THRA: variants seen among roughly 807,000 people sequenced by gnomAD.
THRA encodes the protein EAR-7.
In THRA, 13 loss-of-function variants were observed where a neutral mutation model predicts 45.0. The ratio of observed to expected loss-of-function variants is 0.29; its 90% CI spans 0.19 to 0.46. THRA has a LOEUF of 0.46. Among genes scored for constraint, THRA ranks in the 20% least tolerant of loss-of-function variants. The probability of loss-of-function intolerance (pLI) is 1.00; values close to 1 mark genes in which losing one functional copy is unlikely to be tolerated. For synonymous variants in THRA, 195 were observed against 214.0 expected (o/e 0.91, Z 0.78); for missense variants, 278 against 556.1 (o/e 0.50, Z 5.03).
chr17:40,076,102 G>A, intron 2 of THRA, among the ~76,000 whole-genome samples: 1 of 152,246 alleles, frequency 6.6e-6, no homozygotes, highest in Admixed American at 6.5e-5. Context: ...ATGTGCAGTG[G>A]CTGAGGGTTG....
At chr17:40,069,833 C>T (rs761553642) in intron 1 of THRA, among the ~76,000 whole-genome samples, 2 of 152,040 alleles carry the variant, frequency 1.3e-5, no homozygotes, top group Non-Finnish European at 2.9e-5. Flanking sequence ...GGGCACCCAC[C>T]TTGATGCCTG....
At chr17:40,093,075 C>T (rs201283167), downstream of THRA, 10 of 1,613,942 alleles carry the variant, frequency 6.2e-6, no homozygotes, top group South Asian at 2.2e-5. The surrounding 1 kb of genome is among the most constrained non-coding windows in gnomAD (Gnocchi z 5.9). Context: ...GAAGGCCGGC[C>T]GGGCGGGTCA....
intron 4 of THRA, among the ~76,000 whole-genome samples, chr17:40,080,438 A>G (rs1334696285): frequency 3.3e-5 from 5 of 152,090 alleles, no homozygotes; most frequent in African/African-American, 1.2e-4. Context: ...AAAAAACGGA[A>G]AAAAAGTTTA....
At chr17:40,084,537 G>A in intron 5 of THRA, 73 bp from the exon 6 acceptor site, 5 of 1,541,774 alleles carry the variant, frequency 3.2e-6, no homozygotes, top group Non-Finnish European at 4.4e-6. Flanking sequence ...TCTAGGAAGA[G>A]TAGTTTCCGG....
chr17:40,069,418 A>T (rs1170445264), intron 1 of THRA, among the ~76,000 whole-genome samples: 1 of 151,168 alleles, frequency 6.6e-6, no homozygotes, highest in African/African-American at 2.4e-5. Flanking sequence ...CTCCTAGGCC[A>T]TGCTCTTCAG....
chr17:40,075,724 G>A (rs1986931437), intron 2 of THRA, among the ~76,000 whole-genome samples: 1 of 152,170 alleles, frequency 6.6e-6, no homozygotes, highest in South Asian at 2.1e-4. Flanking sequence ...ACTACACTCA[G>A]AGGCTGTGAG....
At chr17:40,071,337 C>T (rs867606370) in intron 1 of THRA, among the ~76,000 whole-genome samples, 3 of 152,204 alleles carry the variant, frequency 2.0e-5, no homozygotes, top group Non-Finnish European at 4.4e-5. Flanking sequence ...TGGGGGTGTC[C>T]TCAGATATAC....
chr17:40,063,035 C>T lies in THRA; in HGVS notation c.-355C>T, dbSNP rs1986413333. ...ACCGGCCCCCCATGGACGCCCCCAG[C>T]ACGGGGCGCTGAGACCCCCGCGTCG... On this transcript the variant is annotated 5_prime_UTR_variant, in exon 1 of 9. Coordinates refer to ENST00000450525, the MANE Select transcript of THRA (RefSeq NM_199334.5). 1 of 151,746 alleles carries T rather than the reference C, an allele frequency of 6.6e-6. No homozygotes were observed. Among genetic ancestry groups the T allele is most frequent in the Non-Finnish European group, 1.5e-5 (1 of 67,914 alleles). 9.4% of individuals were successfully genotyped at this position (151,746 alleles called of 1,614,324 possible). A position where few individuals can be genotyped will look rare whatever the true frequency, so the allele number is the denominator to read the frequency against.
At chr17:40,085,793 G>A (rs902343418) in intron 6 of THRA, among the ~76,000 whole-genome samples, 13 of 152,036 alleles carry the variant, frequency 8.6e-5, no homozygotes, top group African/African-American at 2.4e-4. Flanking sequence ...ACAGGCGTGC[G>A]CCACCACGCC....
intron 4 of THRA, among the ~76,000 whole-genome samples, chr17:40,080,851 T>C (rs1404654627): frequency 6.6e-6 from 1 of 151,566 alleles, no homozygotes; most frequent in Admixed American, 6.6e-5. Flanking sequence ...GCCTCCTGAG[T>C]AGCTGGGATT....
At position 40,086,731 on chromosome 17, in the gene THRA, A is replaced by G. The variant is rs1456034663; in HGVS notation, c.601A>G (p.Ile201Val). 6.2e-7 allele frequency: 1 copy of G among 1,614,004 alleles called. No individual in the cohort carries two copies. The highest frequency in any genetic ancestry group is 8.5e-7 in the Non-Finnish European group (1 of 1,179,984). The change falls in exon 7 of 9, where the codon ATT becomes GTT. Residue 201 changes from isoleucine to valine, a missense_variant. Physicochemically the swap from Ile to Val is conservative, Grantham distance 29. Transcript: ENST00000450525. The part of the protein sequence containing the change: ...FLPDDIGQSP[I>V]VSMPDGDKVD... The stretch of plus-strand genomic sequence containing the variant: ...GCCCGATGACATTGGCCAGTCACCC[A>G]TTGTCTCCATGCCGGACGGAGACAA...
At chr17:40,065,916 C>T (rs533048496) in intron 1 of THRA, among the ~76,000 whole-genome samples, 1 of 152,348 alleles carries the variant, frequency 6.6e-6, no homozygotes, top group South Asian at 2.1e-4. Context: ...CCCACACTGG[C>T]CCAAGCTGGA....
intron 4 of THRA, among the ~76,000 whole-genome samples, chr17:40,080,167 A>C (rs1472945017): frequency 6.6e-6 from 1 of 152,138 alleles, no homozygotes; most frequent in African/African-American, 2.4e-5. Flanking sequence ...TAGGAGGCCA[A>C]GGTGGGAGGA....
At chr17:40,072,486 G>A (rs1986810618) in intron 1 of THRA, among the ~76,000 whole-genome samples, 1 of 152,152 alleles carries the variant, frequency 6.6e-6, no homozygotes, top group South Asian at 2.1e-4. Flanking sequence ...TGCCAGGCGG[G>A]CAGGAGACAG....
At chr17:40,077,038 C>A in intron 3 of THRA, 100 bp downstream of exon 3, 2 of 1,264,488 alleles carry the variant, frequency 1.6e-6, no homozygotes, top group South Asian at 1.3e-5. Context: ...TTCATGTGTT[C>A]CCTGGGGGGA....
At chr17:40,063,353 C>G (rs1986429053) in intron 1 of THRA, among the ~76,000 whole-genome samples, 1 of 152,146 alleles carries the variant, frequency 6.6e-6, no homozygotes, top group Non-Finnish European at 1.5e-5. Flanking sequence ...CGAGCCTCCC[C>G]CTGGAGGGCC....
At chr17:40,083,561 G>C (rs1421268721) in intron 4 of THRA, among the ~76,000 whole-genome samples, 2 of 152,200 alleles carry the variant, frequency 1.3e-5, no homozygotes, top group East Asian at 3.8e-4. Context: ...ATTATCCCAG[G>C]TTCAAAGCTG....
At chr17:40,071,303 C>T (rs1283913972) in intron 1 of THRA, among the ~76,000 whole-genome samples, 1 of 152,220 alleles carries the variant, frequency 6.6e-6, no homozygotes, top group African/African-American at 2.4e-5. Flanking sequence ...CAGAAACTCC[C>T]CTCTGGCAGC....
intron 1 of THRA, among the ~76,000 whole-genome samples, chr17:40,065,048 T>A (rs569007518): frequency 4.4e-4 from 66 of 150,886 alleles, no homozygotes; most frequent in African/African-American, 1.6e-3. Context: ...AATGGGCTGT[T>A]TTTTTTTTCT....
Sources: gnomAD v4.1 joint callset for allele counts (sites outside exome capture counted in the v4.1 genomes callset) on GRCh38, gnomAD v4.1.1 for gene constraint, Gnocchi (gnomAD v3.1) non-coding constraint, MANE v1.5 for transcripts, NCBI Gene and HGNC (gene_info 2026-07-23, HGNC 2026-07-21) for gene names.